Variants in GALNT2 observed in about 807,000 individuals in gnomAD.
The protein encoded by GALNT2 is UDP-GalNAc:polypeptide N-acetylgalactosaminyltransferase 2.
In GALNT2, 31 loss-of-function variants were observed where a neutral mutation model predicts 81.4. The ratio of observed to expected loss-of-function variants is 0.38; its 90% CI spans 0.29 to 0.51. The LOEUF (loss-of-function observed/expected upper bound fraction) is 0.51, where lower values mean the gene tolerates loss of function less well. Among genes scored for constraint, GALNT2 ranks in the 20% least tolerant of loss-of-function variants. GALNT2 has a pLI of 0.87. For missense variants in GALNT2, 629 were observed against 765.7 expected (o/e 0.82, Z 2.11); for synonymous variants, 303 against 287.4 (o/e 1.05, Z -0.55).
chr1:230,252,273 AG>A (rs1665567777), intron 10 of GALNT2, among the ~76,000 whole-genome samples: 1 of 152,182 alleles, frequency 6.6e-6, no homozygotes, highest in Non-Finnish European at 1.5e-5. Flanking sequence ...TGGTGCAGAG[AG>A]GCCCGAGTAA....
chr1:230,124,563 G>A (rs1375501360), intron 1 of GALNT2, among the ~76,000 whole-genome samples: 1 of 152,216 alleles, frequency 6.6e-6, no homozygotes, highest in Non-Finnish European at 1.5e-5. Context: ...GTAATTCCCT[G>A]GCTCCAGGTA....
chr1:230,137,489 C>G (rs1000863287), intron 1 of GALNT2, among the ~76,000 whole-genome samples: 3 of 152,240 alleles, frequency 2.0e-5, no homozygotes, highest in African/African-American at 2.4e-5. Flanking sequence ...GCTGGGTGTT[C>G]TCAGCTGGGC....
At chr1:230,185,673 A>G (rs1202511444) in intron 2 of GALNT2, among the ~76,000 whole-genome samples, 1 of 152,192 alleles carries the variant, frequency 6.6e-6, no homozygotes, top group East Asian at 1.9e-4. Context: ...TAATAAGAAC[A>G]CAGTGCCCTG....
intron 13 of GALNT2, chr1:230,264,528 G>A (rs927803602): frequency 2.0e-5 from 3 of 152,412 alleles, no homozygotes; most frequent in Non-Finnish European, 2.9e-5. Flanking sequence ...CTGTCTGTGG[G>A]GGGTGAGGGA....
At chr1:230,080,326 G>A (rs1354638126) in intron 1 of GALNT2, among the ~76,000 whole-genome samples, 1 of 152,206 alleles carries the variant, frequency 6.6e-6, no homozygotes, top group Non-Finnish European at 1.5e-5. Context: ...GAGGACTGAT[G>A]TGTGTTCAGA....
At chr1:230,104,075 G>A (rs1396309466) in intron 1 of GALNT2, among the ~76,000 whole-genome samples, 1 of 152,138 alleles carries the variant, frequency 6.6e-6, no homozygotes, top group Non-Finnish European at 1.5e-5. Flanking sequence ...CTTCTGTTTG[G>A]TAAATGGCTT....
intron 1 of GALNT2, among the ~76,000 whole-genome samples, chr1:230,127,987 G>A (rs1259973945): frequency 1.4e-5 from 2 of 146,354 alleles, no homozygotes; most frequent in African/African-American, 5.2e-5. Flanking sequence ...CCCAAGGGCT[G>A]TGTGGGGGAT....
chr1:230,103,047 G>A (rs1660446453), intron 1 of GALNT2, among the ~76,000 whole-genome samples: 1 of 152,224 alleles, frequency 6.6e-6, no homozygotes, highest in East Asian at 1.9e-4. Context: ...TTAGAACACA[G>A]CACTGTGCAG....
At chr1:230,107,730 A>G (rs999007776) in intron 1 of GALNT2, among the ~76,000 whole-genome samples, 1 of 152,000 alleles carries the variant, frequency 6.6e-6, no homozygotes, top group African/African-American at 2.4e-5. Context: ...GTGCTTTAGC[A>G]GGAATTTTGG....
At chr1:230,226,264 G>C (rs1664706418) in intron 3 of GALNT2, among the ~76,000 whole-genome samples, 2 of 152,172 alleles carry the variant, frequency 1.3e-5, no homozygotes, top group South Asian at 4.1e-4. Context: ...AATGGCGTAA[G>C]CATTTTCTGT....
In GALNT2 at chr1:230,281,969, A is replaced by G. The variant is rs1382128006; in HGVS notation, c.*2511A>G. ...AGCTCAGATGATGGTATCTGTGAGT[A>G]TGTTTTGCAAATTCAAAATATAGTT... On this transcript the variant is annotated 3_prime_UTR_variant, in exon 16 of 16. Coordinates refer to ENST00000366672, the MANE Select transcript of GALNT2 (RefSeq NM_004481.5). The G allele has an allele frequency of 2.0e-5, 3 of 152,262 alleles. No homozygotes were observed. Among genetic ancestry groups the G allele is most frequent in the African/African-American group, 7.2e-5 (3 of 41,422 alleles). 9.4% of individuals were successfully genotyped at this position (152,262 alleles called of 1,614,324 possible). A position where few individuals can be genotyped will look rare whatever the true frequency, so the allele number is the denominator to read the frequency against.
chr1:230,250,231 G>T (rs1023014425), intron 9 of GALNT2, among the ~76,000 whole-genome samples: 1 of 152,258 alleles, frequency 6.6e-6, no homozygotes, highest in Non-Finnish European at 1.5e-5. Flanking sequence ...CCCTGGCACT[G>T]TGGGAACATC....
chr1:230,279,383 C>CG lies in GALNT2; in HGVS notation c.1646dup (p.Leu550ProfsTer120). The CG allele has an allele frequency of 6.2e-7, 1 of 1,614,144 alleles. No homozygotes were observed. The highest frequency in any genetic ancestry group is 8.5e-7 in the Non-Finnish European group (1 of 1,180,020). On this transcript the variant is annotated frameshift_variant, in exon 16 of 16. Transcript: ENST00000366672. LOFTEE classifies it high-confidence loss of function. This position sits in a 1 kb window ranked among gnomAD's most constrained non-coding sequence, Gnocchi z 4.6. ...GCCTGGACAGTCGCACGGCCAAGAG[C>CG]GGGGGCCTAAGCGTGGAGGTGTGTG...
intron 1 of GALNT2, among the ~76,000 whole-genome samples, chr1:230,164,385 A>G (rs1662534192): frequency 6.6e-6 from 1 of 152,182 alleles, no homozygotes; most frequent in Non-Finnish European, 1.5e-5. Flanking sequence ...GCACAAGATC[A>G]CTTTGGTGTT....
chr1:230,171,127 C>T (rs749716410), intron 1 of GALNT2, among the ~76,000 whole-genome samples: 28 of 152,198 alleles, frequency 1.8e-4, no homozygotes, highest in Admixed American at 2.6e-4. Flanking sequence ...CCTGGTGGAA[C>T]GCCAACCTTG....
In GALNT2 at chr1:230,190,702, C is replaced by T. The variant is rs536995314; in HGVS notation, c.220+12391C>T. Among the ~76,000 whole-genome samples the T allele has an allele frequency of 3.9e-5, 6 of 152,276 alleles. No individual in the cohort carries two copies. The South Asian group carries it at 1.2e-3, about 32-fold the overall frequency. On this transcript the variant is annotated intron_variant, in intron 2 of 15. Coordinates refer to ENST00000366672, the MANE Select transcript of GALNT2 (RefSeq NM_004481.5). ...TGGGCAGTTCCCTACCATCTGCTTA[C>T]AGCTAGATTTTTACAAATACAGCAC...
intron 12 of GALNT2, 112 bp downstream of exon 12, chr1:230,262,777 A>G: frequency 1.5e-6 from 2 of 1,324,626 alleles, no homozygotes; most frequent in Non-Finnish European, 2.2e-6. Flanking sequence ...CCAAGGCGGG[A>G]AGGGGTTGTG....
At position 230,220,571 on chromosome 1, in the gene GALNT2, T is replaced by C. The variant is rs764555282; in HGVS notation, c.375-15443T>C. Reference sequence around the variant, plus strand: ...CTGGTAGGCTTTGCCACTCCCTCACTGTCACCACGTGCTGGGTGGGCTGAA... The same window carrying C: ...CTGGTAGGCTTTGCCACTCCCTCACCGTCACCACGTGCTGGGTGGGCTGAA... On this transcript the variant is annotated intron_variant, in intron 3 of 15. Transcript: ENST00000366672. Among the ~76,000 whole-genome samples, 20 of 152,162 alleles carry C rather than the reference T, an allele frequency of 1.3e-4. No homozygotes were observed. In the South Asian group the frequency reaches 2.5e-3, roughly 19 times the overall value.
At chr1:230,156,244 A>AGAGTGT (rs532022468) in intron 1 of GALNT2, among the ~76,000 whole-genome samples, 12 of 146,896 alleles carry the variant, frequency 8.2e-5, no homozygotes, top group Admixed American at 6.1e-4. Context: ...AGAGAGAGAG[A>AGAGTGT]GTGTGTGTGT....
Sources: allele counts gnomAD v4.1 joint callset (sites outside exome capture counted in the v4.1 genomes callset), GRCh38; gene constraint gnomAD v4.1.1; non-coding constraint Gnocchi (gnomAD v3.1); transcripts MANE v1.5; gene names NCBI Gene and HGNC (gene_info 2026-07-23, HGNC 2026-07-21).